GNA14: variants seen among roughly 807,000 people sequenced by gnomAD.
GNA14 encodes G protein subunit alpha 14.
Under a neutral mutation model 42.0 loss-of-function variants are expected in GNA14, and 50 were observed. The observed-to-expected ratio is 1.19, with a 90% CI of 0.95 to 1.51. The LOEUF is 1.51. Ranked by LOEUF, GNA14 falls within the 40% of genes most tolerant of loss-of-function variation. The pLI is 0.00. For missense variants in GNA14, 473 were observed against 446.2 expected (o/e 1.06, Z -0.54); for synonymous variants, 173 against 163.1 (o/e 1.06, Z -0.46).
intron 2 of GNA14, among the ~76,000 whole-genome samples, chr9:77,476,207 T>C (rs1417360653): frequency 6.6e-6 from 1 of 152,142 alleles, no homozygotes; most frequent in African/African-American, 2.4e-5. Context: ...CCTGGGGAAA[T>C]GATTCAGATT....
chr9:77,497,348 C>A (rs1333141110), intron 2 of GNA14, among the ~76,000 whole-genome samples: 7 of 152,182 alleles, frequency 4.6e-5, no homozygotes, highest in African/African-American at 1.7e-4. Context: ...ATGGTGACCA[C>A]ACTAGACCAA....
intron 2 of GNA14, among the ~76,000 whole-genome samples, chr9:77,494,324 G>A (rs1439067590): frequency 1.3e-5 from 2 of 151,946 alleles, no homozygotes; most frequent in African/African-American, 2.4e-5. Context: ...AGTATTTTGT[G>A]GTCATTATTA....
chr9:77,472,092 TA>T (rs1467055775), intron 2 of GNA14, among the ~76,000 whole-genome samples: 2 of 152,098 alleles, frequency 1.3e-5, no homozygotes, highest in East Asian at 3.9e-4. Flanking sequence ...CTTGTCCAAG[TA>T]AAACCAACTC....
chr9:77,454,566 T>G (rs1835967294), intron 2 of GNA14, among the ~76,000 whole-genome samples: 1 of 141,732 alleles, frequency 7.1e-6, no homozygotes, highest in Non-Finnish European at 1.5e-5. Flanking sequence ...TGGTGGCAAC[T>G]GGCCATCAGG....
Position 77,458,905 on chromosome 9 carries a change from G to GGC in GNA14, c.310-24384_310-24383insGC, listed in dbSNP as rs1554689042. On this transcript the variant is annotated intron_variant, in intron 2 of 6. Transcript: ENST00000341700. ...TAAGCTCCTTTTATCACAAGCTGGA[G>GGC]GGGGGGGGGTTGTCCTCTTCTCCCC... is the stretch of plus-strand genomic sequence containing the variant. Among the ~76,000 whole-genome samples the GGC allele has an allele frequency of 3.3e-4, 16 of 47,964 alleles. No individual in the cohort carries two copies. In the East Asian group the frequency reaches 6.4e-3, roughly 19 times the overall value. 31.5% of individuals were successfully genotyped at this position (47,964 alleles called of 152,430 possible). A position where few individuals can be genotyped will look rare whatever the true frequency, so the allele number is the denominator to read the frequency against.
intron 1 of GNA14, among the ~76,000 whole-genome samples, chr9:77,530,609 G>A (rs753554633): frequency 7.2e-5 from 11 of 152,220 alleles, no homozygotes; most frequent in Non-Finnish European, 1.5e-5. Context: ...GTCGGCAAGA[G>A]AAAGAACTGG....
Position 77,604,227 on chromosome 9 carries a change from T to A in GNA14, c.124+43443A>T, listed in dbSNP as rs148459638. On this transcript the variant is annotated intron_variant, in intron 1 of 6. Transcript: ENST00000341700. ...ACAAATTTGCAATGCTCTGTTCTGC[T>A]ACACCCAAAACCACAGCCAAATAAG... 4.7e-4 allele frequency among the ~76,000 whole-genome samples: 72 copies of A among 152,254 alleles called. No individual in the cohort carries two copies. In the East Asian group the frequency reaches 0.011, roughly 23 times the overall value.
intron 5 of GNA14, among the ~76,000 whole-genome samples, chr9:77,426,031 C>T (rs12352759): frequency 0.26 from 39,458 of 152,126 alleles, 5,621 homozygotes; most frequent in African/African-American, 0.38. Flanking sequence ...TTCCTACCCA[C>T]GTTTCACAAG....
At chr9:77,430,934 G>T (rs1835539755) in intron 4 of GNA14, among the ~76,000 whole-genome samples, 1 of 151,834 alleles carries the variant, frequency 6.6e-6, no homozygotes, top group Non-Finnish European at 1.5e-5. Context: ...CTTGGAGAAG[G>T]AAATAGAGGA....
intron 2 of GNA14, among the ~76,000 whole-genome samples, chr9:77,514,431 C>G (rs1340993992): frequency 6.6e-6 from 1 of 151,988 alleles, no homozygotes; most frequent in African/African-American, 2.4e-5. Flanking sequence ...CAGAGGTAAA[C>G]CCGACATGAT....
intron 1 of GNA14, among the ~76,000 whole-genome samples, chr9:77,539,970 T>C (rs1055727175): frequency 6.6e-6 from 1 of 152,186 alleles, no homozygotes; most frequent in African/African-American, 2.4e-5. Context: ...TTGTACTTTT[T>C]TTAGTCTCTG....
chr9:77,511,006 T>C (rs1460946730), intron 2 of GNA14, among the ~76,000 whole-genome samples: 3 of 151,554 alleles, frequency 2.0e-5, no homozygotes, highest in Non-Finnish European at 4.4e-5. Context: ...CCAGTTAGAG[T>C]TGGATCTCAA....
At chr9:77,531,888 C>T (rs1187209823) in intron 1 of GNA14, among the ~76,000 whole-genome samples, 1 of 149,186 alleles carries the variant, frequency 6.7e-6, no homozygotes, top group Non-Finnish European at 1.5e-5. Flanking sequence ...AGGGTTCATA[C>T]AAGAGAAGAT....
Position 77,623,507 on chromosome 9 carries a change from G to A in GNA14, c.124+24163C>T, listed in dbSNP as rs568142519. Among the ~76,000 whole-genome samples, 8 of 152,302 alleles carry A rather than the reference G, an allele frequency of 5.3e-5. 1 individual carries two copies. In the South Asian group the frequency reaches 1.7e-3, roughly 32 times the overall value. Reference sequence around the variant, plus strand: ...AGATGGCTGAATAGGAACAGCTCCTGTCTGCAGCTCCCAGTGAGATCAATG... The same window carrying A: ...AGATGGCTGAATAGGAACAGCTCCTATCTGCAGCTCCCAGTGAGATCAATG... On this transcript the variant is annotated intron_variant, in intron 1 of 6. Transcript: ENST00000341700.
rs555657758 is a variant in GNA14 at position 77,619,826 on chromosome 9, G to A, written c.124+27844C>T. On this transcript the variant is annotated intron_variant, in intron 1 of 6. Coordinates refer to ENST00000341700, the MANE Select transcript of GNA14 (RefSeq NM_004297.4). ...TAAATTTTTAGCTAGTGACAAATGT[G>A]TCAGTCCATGAGCCATTTTTATGCT... Among the ~76,000 whole-genome samples, 8 of 152,132 alleles carry A rather than the reference G, an allele frequency of 5.3e-5. No individual in the cohort carries two copies. The South Asian group carries it at 1.7e-3, about 32-fold the overall frequency.
chr9:77,493,761 C>T (rs866014576), intron 2 of GNA14, among the ~76,000 whole-genome samples: 3 of 152,008 alleles, frequency 2.0e-5, no homozygotes, highest in Non-Finnish European at 4.4e-5. Flanking sequence ...ATTTTGTAAA[C>T]GGATGGGATG....
chr9:77,558,991 G>T (rs1224933240), intron 1 of GNA14, among the ~76,000 whole-genome samples: 1 of 151,852 alleles, frequency 6.6e-6, no homozygotes, highest in African/African-American at 2.4e-5. Context: ...AGCAGGATGG[G>T]GCTAAATATT....
chr9:77,614,264 G>C (rs1406406427), intron 1 of GNA14, among the ~76,000 whole-genome samples: 2 of 151,996 alleles, frequency 1.3e-5, no homozygotes, highest in Non-Finnish European at 1.5e-5. Context: ...TTTATTATAG[G>C]CCAGTCCCAG....
At chr9:77,544,000 C>T (rs530251019) in intron 1 of GNA14, among the ~76,000 whole-genome samples, 20 of 152,118 alleles carry the variant, frequency 1.3e-4, no homozygotes, top group Admixed American at 1.2e-3. Context: ...TATGGTATTC[C>T]TAAAAAAATC....
Sources: gnomAD v4.1 joint callset for allele counts (sites outside exome capture counted in the v4.1 genomes callset) on GRCh38, gnomAD v4.1.1 for gene constraint, MANE v1.5 for transcripts, NCBI Gene and HGNC (gene_info 2026-07-23, HGNC 2026-07-21) for gene names.